The following CCDC190 variants were observed in gnomAD, a reference collection of about 807,000 sequenced individuals.
The protein encoded by CCDC190 is coiled-coil domain-containing protein 190.
In CCDC190, 10 loss-of-function variants were observed where a neutral mutation model predicts 13.1. That is an observed-to-expected ratio of 0.77 (90% CI 0.47 to 1.30). The LOEUF (loss-of-function observed/expected upper bound fraction) is 1.30, where lower values mean the gene tolerates loss of function less well. CCDC190 is among the 50% of genes most tolerant of loss of function. The pLI is 0.00. For synonymous variants in CCDC190, 136 were observed against 127.2 expected (o/e 1.07, Z -0.47); for missense variants, 375 against 354.3 (o/e 1.06, Z -0.47).
chr1:162,858,849 TAA>T (rs1211227068), intron 2 of CCDC190, among the ~76,000 whole-genome samples: 1 of 152,224 alleles, frequency 6.6e-6, no homozygotes, highest in Admixed American at 6.5e-5. Flanking sequence ...TTTTAATTGA[TAA>T]GAGTGGGCAC....
At chr1:162,867,599 T>A (rs985735775) in intron 1 of CCDC190, among the ~76,000 whole-genome samples, 2 of 152,110 alleles carry the variant, frequency 1.3e-5, no homozygotes, top group South Asian at 4.1e-4. Flanking sequence ...CCAAGAGAAA[T>A]GAAAGCATGT....
chr1:162,855,981 A>C (rs1468808156), intron 2 of CCDC190: 3 of 358,836 alleles, frequency 8.4e-6, no homozygotes, highest in South Asian at 3.9e-5. Context: ...CAGGGAGAGC[A>C]CTAAGAGACA....
In CCDC190 at chr1:162,859,617, C is replaced by A; in HGVS notation, c.30G>T (p.Leu10Phe). 6.2e-7 allele frequency: 1 copy of A among 1,613,876 alleles called. No individual in the cohort carries two copies. The highest frequency in any genetic ancestry group is 2.2e-5 in the East Asian group (1 of 44,876). The change falls in exon 2 of 4, where the codon TTG (leucine) becomes TTT (phenylalanine). Residue 10 changes from leucine (L) to phenylalanine (F), a missense_variant. Leu to Phe is a conservative substitution (Grantham distance 22, BLOSUM62 0). Coordinates refer to ENST00000367912, the MANE Select transcript of CCDC190 (RefSeq NM_001394065.1). ...TCCTCTCCAAATCAAAATGCTTATA[C>A]AATTGTCCCCTGACCATGTGCCTCT... The part of the protein sequence containing the change: MERHMVRGQ[L>F]YKHFDLERKN...
chr1:162,859,212 TG>T lies in CCDC190; in HGVS notation c.187+247del, dbSNP rs1650412963. Among the ~76,000 whole-genome samples, 5 of 152,308 alleles carry T rather than the reference TG, an allele frequency of 3.3e-5. No individual in the cohort carries two copies. In the South Asian group the frequency reaches 1.0e-3, roughly 32 times the overall value. On this transcript the variant is annotated intron_variant, in intron 2 of 3. Transcript: ENST00000367912. The stretch of plus-strand genomic sequence containing the variant: ...GGATTTAAGCAAGAAAGAGCTAACT[TG>T]AAAGATGGCAGTGACTGGAAGCCTG...
intron 1 of CCDC190, among the ~76,000 whole-genome samples, chr1:162,866,483 T>C (rs1650711775): frequency 6.6e-6 from 1 of 151,964 alleles, no homozygotes; most frequent in Admixed American, 6.5e-5. Flanking sequence ...ATCATGTTTA[T>C]GGCTAGAATC....
chr1:162,859,374 G>T (rs903292263), intron 2 of CCDC190, 86 bp downstream of exon 2: 122 of 1,236,096 alleles, frequency 9.9e-5, no homozygotes, highest in Non-Finnish European at 1.3e-4. Flanking sequence ...GGCACTCAGA[G>T]CTCTGAAAGG....
At chr1:162,859,123 C>A (rs1277143906) in intron 2 of CCDC190, among the ~76,000 whole-genome samples, 1 of 151,766 alleles carries the variant, frequency 6.6e-6, no homozygotes, top group Admixed American at 6.6e-5. Flanking sequence ...GGGGTGAAAC[C>A]AAATCAGCCC....
chr1:162,851,290 A>ATTTTTTTTTTTTT lies in CCDC190; in HGVS notation c.*3462_*3474dup, dbSNP rs954335609. On this transcript the variant is annotated 3_prime_UTR_variant, in exon 4 of 4. Coordinates refer to ENST00000367912, the MANE Select transcript of CCDC190 (RefSeq NM_001394065.1). ...GTCCACACACCTCTGGTTCCTCTCCATTTTTTTTTTTTTTTTTTTTTTTTT... is the reference window on the plus strand; with the variant it reads ...GTCCACACACCTCTGGTTCCTCTCCATTTTTTTTTTTTTTTTTTTTTTTTTTTTTTTTTTTTTT... 2 of 84,006 alleles carry ATTTTTTTTTTTTT rather than the reference A, an allele frequency of 2.4e-5. No individual in the cohort carries two copies. The highest frequency in any genetic ancestry group is 4.7e-5 in the Non-Finnish European group (2 of 42,610). 5.2% of individuals were successfully genotyped at this position (84,006 alleles called of 1,614,324 possible).
rs529109458 is a variant in CCDC190 at position 162,855,187 on chromosome 1, C to A, written c.484G>T (p.Val162Leu). 8.2e-4 allele frequency: 1,325 copies of A among 1,613,976 alleles called. 20 individuals are homozygous for A. The South Asian group carries it at 0.014, about 17-fold the overall frequency. Residue 162 changes from valine to leucine, a missense_variant, in exon 4 of 4, where the codon GTG (valine) becomes TTG (leucine). Coordinates refer to ENST00000367912, the MANE Select transcript of CCDC190 (RefSeq NM_001394065.1). ...GGGTCTACGTCCTTAGATGGATTCACAGAATCTTTCTCTTGGGCTTGTGGT... is the reference window on the plus strand; with the variant it reads ...GGGTCTACGTCCTTAGATGGATTCAAAGAATCTTTCTCTTGGGCTTGTGGT... ...EQPQAQEKDSVNPSKDVDPSK... is the reference protein window; with the variant it reads ...EQPQAQEKDSLNPSKDVDPSK...
chr1:162,859,479 T>C lies in CCDC190; in HGVS notation c.168A>G (p.Glu56=). The C allele has an allele frequency of 6.2e-7, 1 of 1,613,506 alleles. No homozygotes were observed. Among genetic ancestry groups the C allele is most frequent in the Non-Finnish European group, 8.5e-7 (1 of 1,179,696 alleles). Reference sequence around the variant, plus strand: ...TCTTACCTTGCTGCAACCTCTGCAGTTCTTTTTGGAGCTGCCTCTGCTCCC... The same window carrying C: ...TCTTACCTTGCTGCAACCTCTGCAGCTCTTTTTGGAGCTGCCTCTGCTCCC... The part of the protein sequence containing the change: ...LTWEQRQLQK[E]LQRLQQETMK... Residue 56 remains glutamate (E), a synonymous_variant, in exon 2 of 4, where the codon GAA becomes GAG. Coordinates refer to ENST00000367912, the MANE Select transcript of CCDC190 (RefSeq NM_001394065.1).
chr1:162,855,768 A>G lies in CCDC190; in HGVS notation c.188-13T>C, dbSNP rs754853570. 2.5e-6 allele frequency: 4 copies of G among 1,575,490 alleles called. No homozygotes were observed. In the Admixed American group the frequency reaches 7.4e-5, roughly 29 times the overall value. On this transcript the variant is annotated splice_polypyrimidine_tract_variant and intron_variant, in intron 2 of 3. Coordinates refer to ENST00000367912, the MANE Select transcript of CCDC190 (RefSeq NM_001394065.1). ...TTCTTCATGGTTTCTGCTTTGAGTT[A>G]ATTAAGAAGTGTTATGAGTTGGATT...
At chr1:162,860,928 G>T in intron 1 of CCDC190, 80 bp downstream of exon 1, 1 of 567,966 alleles carries the variant, frequency 1.8e-6, no homozygotes, top group Non-Finnish European at 2.2e-6. Context: ...ACATGGGAAA[G>T]AAATACATTT....
At chr1:162,861,703 C>A (rs1015276757), upstream of CCDC190, among the ~76,000 whole-genome samples, 1 of 152,122 alleles carries the variant, frequency 6.6e-6, no homozygotes, top group African/African-American at 2.4e-5. Flanking sequence ...AAATTAAAAT[C>A]AACTTTTGTG....
At chr1:162,857,555 T>C (rs1005630992) in intron 2 of CCDC190, among the ~76,000 whole-genome samples, 2 of 152,172 alleles carry the variant, frequency 1.3e-5, no homozygotes, top group African/African-American at 4.8e-5. Context: ...TGTATGCGCC[T>C]TTATACATAC....
Position 162,855,316 on chromosome 1 carries a change from A to G in CCDC190, c.355T>C (p.Ser119Pro). The G allele has an allele frequency of 6.2e-7, 1 of 1,612,746 alleles. No individual in the cohort carries two copies. Among genetic ancestry groups the G allele is most frequent in the Non-Finnish European group, 8.5e-7 (1 of 1,179,812 alleles). Residue 119 changes from serine (S) to proline (P), a missense_variant, in exon 4 of 4, where the codon TCC becomes CCC. Coordinates refer to ENST00000367912, the MANE Select transcript of CCDC190 (RefSeq NM_001394065.1). ...GCATCATGTGAAGGAGGCACCTGGG[A>G]CTTGCTTTTGCATGTGTCTTGGGCC... ...RMAQDTCKSK[S>P]QVPPSHDAGL...
chr1:162,854,586 T>C lies in CCDC190; in HGVS notation c.*179A>G. 1 of 1,371,486 alleles carries C rather than the reference T, an allele frequency of 7.3e-7. No individual in the cohort carries two copies. Among genetic ancestry groups the C allele is most frequent in the Non-Finnish European group, 9.4e-7 (1 of 1,064,520 alleles). The allele number at this position is 1,371,486 out of a possible 1,614,324, so 85.0% of individuals were successfully genotyped here. A position where few individuals can be genotyped will look rare whatever the true frequency, so the allele number is the denominator to read the frequency against. ...GATTCATTCTTCCTCTCCTTTTTCA[T>C]ATATTAGCATTGTTCATTCAAGAAA... is the stretch of plus-strand genomic sequence containing the variant. On this transcript the variant is annotated 3_prime_UTR_variant, in exon 4 of 4. Coordinates refer to ENST00000367912, the MANE Select transcript of CCDC190 (RefSeq NM_001394065.1).
chr1:162,859,401 G>T lies in CCDC190; in HGVS notation c.187+59C>A, dbSNP rs1375996654. On this transcript the variant is annotated intron_variant, in intron 2 of 3. Coordinates refer to ENST00000367912, the MANE Select transcript of CCDC190 (RefSeq NM_001394065.1). ...TCTGAAAGGGCCTCAGCGGAGTGAT[G>T]GGCCTGCTGCCCTGCTGTGCCTCTG... 2.0e-6 allele frequency: 3 copies of T among 1,481,922 alleles called. No homozygotes were observed. The East Asian group carries it at 6.9e-5, about 34-fold the overall frequency. 91.8% of individuals were successfully genotyped at this position (1,481,922 alleles called of 1,614,324 possible).
chr1:162,860,074 A>G (rs1382146981), intron 1 of CCDC190, among the ~76,000 whole-genome samples: 1 of 152,014 alleles, frequency 6.6e-6, no homozygotes. Context: ...AGGTCTGGAG[A>G]GGATTTAGGA....
At position 162,852,617 on chromosome 1, in the gene CCDC190, A is replaced by G. The variant is rs978810511; in HGVS notation, c.*2148T>C. 8 of 153,122 alleles carry G rather than the reference A, an allele frequency of 5.2e-5. No homozygotes were observed. The highest frequency in any genetic ancestry group is 1.9e-4 in the African/African-American group (8 of 41,488). The allele number at this position is 153,122 out of a possible 1,614,324, so 9.5% of individuals were successfully genotyped here. A position where few individuals can be genotyped will look rare whatever the true frequency, so the allele number is the denominator to read the frequency against. Reference sequence around the variant, plus strand: ...ATTATTTAAAACAGGATGTACTAAAATATTGATTTTAGAAGTGCAGACAGA... The same window carrying G: ...ATTATTTAAAACAGGATGTACTAAAGTATTGATTTTAGAAGTGCAGACAGA... On this transcript the variant is annotated 3_prime_UTR_variant, in exon 4 of 4. Coordinates refer to ENST00000367912, the MANE Select transcript of CCDC190 (RefSeq NM_001394065.1).
Sources: allele counts gnomAD v4.1 joint callset (sites outside exome capture counted in the v4.1 genomes callset), GRCh38; gene constraint gnomAD v4.1.1; transcripts MANE v1.5; gene names NCBI Gene and HGNC (gene_info 2026-07-23, HGNC 2026-07-21).